Variants in BAZ2B observed in about 807,000 individuals in gnomAD.
BAZ2B encodes the protein bromodomain adjacent to zinc finger domain protein 2B.
BAZ2B carries 91 observed loss-of-function variants against 246.0 expected under a neutral mutation model. That is an observed-to-expected ratio of 0.37 (90% confidence interval 0.31 to 0.44). The LOEUF (loss-of-function observed/expected upper bound fraction) is 0.44, where lower values mean the gene tolerates loss of function less well. BAZ2B is among the 20% of genes least tolerant of loss of function. The pLI is 1.00. For synonymous variants in BAZ2B, 855 were observed against 860.0 expected (o/e 0.99, Z 0.10); for missense variants, 2,332 against 2,533.7 (o/e 0.92, Z 1.71).
intron 3 of BAZ2B, among the ~76,000 whole-genome samples, chr2:159,472,871 G>T (rs894347600): frequency 6.6e-6 from 1 of 152,152 alleles, no homozygotes; most frequent in Non-Finnish European, 1.5e-5. Context: ...TTGATGTGCT[G>T]CTGGATTCGA....
intron 34 of BAZ2B, among the ~76,000 whole-genome samples, chr2:159,329,954 G>A (rs1187443428): frequency 6.6e-6 from 1 of 152,126 alleles, no homozygotes; most frequent in Non-Finnish European, 1.5e-5. Context: ...AATTCATAGA[G>A]TATTAGAGAA....
intron 3 of BAZ2B, among the ~76,000 whole-genome samples, chr2:159,471,114 GAAGAA>G (rs2077731914): frequency 1.3e-5 from 2 of 152,122 alleles, no homozygotes; most frequent in South Asian, 4.1e-4. Flanking sequence ...AGATTTTCAA[GAAGAA>G]GAGAGTGGTC....
the BAZ2B span, among the ~76,000 whole-genome samples, chr2:159,662,758 C>T: frequency 6.6e-6 from 1 of 151,988 alleles, no homozygotes; most frequent in Non-Finnish European, 1.5e-5. Flanking sequence ...CTTTGAACTC[C>T]TGACCTCAAA....
At chr2:159,579,247 C>T (rs770110777) in intron 1 of BAZ2B, among the ~76,000 whole-genome samples, 1 of 152,070 alleles carries the variant, frequency 6.6e-6, no homozygotes, top group African/African-American at 2.4e-5. Flanking sequence ...CGGGGTATCA[C>T]CACCGATCCC....
chr2:159,378,213 T>C (rs191481312), intron 25 of BAZ2B, among the ~76,000 whole-genome samples: 1 of 152,202 alleles, frequency 6.6e-6, no homozygotes, highest in South Asian at 2.1e-4. Flanking sequence ...TTATCTTTTG[T>C]TTGGGTAATT....
the BAZ2B span, among the ~76,000 whole-genome samples, chr2:159,685,439 T>A: frequency 6.6e-6 from 1 of 152,148 alleles, no homozygotes; most frequent in East Asian, 1.9e-4. Flanking sequence ...AAAGAAAACA[T>A]GTACAAACTA....
At chr2:159,316,367 G>T (rs78659837), downstream of BAZ2B, among the ~76,000 whole-genome samples, 12,990 of 152,092 alleles carry the variant, frequency 0.085, 1,354 homozygotes, top group African/African-American at 0.25. Flanking sequence ...CATTTCCCTA[G>T]TTTTTAAAGT....
At chr2:159,381,277 C>T (rs1466233745) in intron 25 of BAZ2B, among the ~76,000 whole-genome samples, 1 of 152,158 alleles carries the variant, frequency 6.6e-6, no homozygotes, top group Non-Finnish European at 1.5e-5. Context: ...TGCTAAGCTC[C>T]TATACATGGG....
the BAZ2B span, among the ~76,000 whole-genome samples, chr2:159,646,952 T>C: frequency 2.7e-3 from 411 of 152,314 alleles, 2 homozygotes; most frequent in African/African-American, 9.2e-3. Flanking sequence ...CTCTTAAAGA[T>C]AGATGCTTTC....
chr2:159,572,527 C>T (rs1489952406), intron 1 of BAZ2B, among the ~76,000 whole-genome samples: 1 of 152,032 alleles, frequency 6.6e-6, no homozygotes, highest in Non-Finnish European at 1.5e-5. Flanking sequence ...ACACAATACT[C>T]AATACATTTA....
chr2:159,599,674 C>T (rs1462299379), intron 1 of BAZ2B, among the ~76,000 whole-genome samples: 2 of 147,706 alleles, frequency 1.4e-5, no homozygotes, highest in Admixed American at 6.8e-5. Flanking sequence ...TGGTGGCTCA[C>T]GCCTGTAATC....
At position 159,343,729 on chromosome 2, in the gene BAZ2B, C is replaced by T. The variant is rs1379600516; in HGVS notation, c.5454+3757G>A. 9.7e-5 allele frequency among the ~76,000 whole-genome samples: 14 copies of T among 143,902 alleles called. No individual in the cohort carries two copies. The East Asian group carries it at 3.4e-3, about 35-fold the overall frequency. 94.4% of individuals were successfully genotyped at this position (143,902 alleles called of 152,430 possible). A position where few individuals can be genotyped will look rare whatever the true frequency, so the allele number is the denominator to read the frequency against. Reference sequence around the variant, plus strand: ...TCACCCCAGTTAGAATGGCTATTATCAAAAAGAAAAAAAACGGCCGGGCGC... The same window carrying T: ...TCACCCCAGTTAGAATGGCTATTATTAAAAAGAAAAAAAACGGCCGGGCGC... On this transcript the variant is annotated intron_variant, in intron 31 of 36. Coordinates refer to ENST00000392783, the MANE Select transcript of BAZ2B (RefSeq NM_013450.4).
intron 3 of BAZ2B, among the ~76,000 whole-genome samples, chr2:159,474,067 T>G (rs1021876324): frequency 3.3e-5 from 5 of 152,202 alleles, no homozygotes; most frequent in African/African-American, 1.2e-4. Context: ...TCTATAGATG[T>G]GTATTAGGTC....
chr2:159,478,763 A>C, intron 2 of BAZ2B, 42 bp from the exon 3 acceptor site: 5 of 1,387,874 alleles, frequency 3.6e-6, no homozygotes, highest in Non-Finnish European at 4.7e-6. Flanking sequence ...TCAGATAAAA[A>C]ATTTTTTCAA....
the BAZ2B span, among the ~76,000 whole-genome samples, chr2:159,678,986 G>C: frequency 2.0e-5 from 3 of 152,170 alleles, no homozygotes; most frequent in Non-Finnish European, 4.4e-5. Context: ...TCAAGATGTT[G>C]AATGGGCCGG....
intron 1 of BAZ2B, among the ~76,000 whole-genome samples, chr2:159,566,478 C>T (rs992513152): frequency 6.6e-6 from 1 of 152,178 alleles, no homozygotes; most frequent in African/African-American, 2.4e-5. Flanking sequence ...GAAAACATCT[C>T]CACTGCGCTT....
intron 21 of BAZ2B, among the ~76,000 whole-genome samples, chr2:159,388,649 G>T (rs1243277425): frequency 6.6e-6 from 1 of 152,154 alleles, no homozygotes; most frequent in East Asian, 1.9e-4. Context: ...AGGATTAAAT[G>T]AGAAAATTCA....
intron 2 of BAZ2B, among the ~76,000 whole-genome samples, chr2:159,486,937 TAAAG>T: frequency 6.6e-6 from 1 of 152,084 alleles, no homozygotes. Flanking sequence ...TCATTTGTGA[TAAAG>T]AAAAATAAGA....
chr2:159,320,229 G>A lies in BAZ2B; in HGVS notation c.*36C>T. On this transcript the variant is annotated 3_prime_UTR_variant, in exon 37 of 37. Coordinates refer to ENST00000392783, the MANE Select transcript of BAZ2B (RefSeq NM_013450.4). Reference sequence around the variant, plus strand: ...CACATTGCTGGTCTCATTTGTCCTTGTTTAGAAGGAAAAAAATAAAGAGAT... The same window carrying A: ...CACATTGCTGGTCTCATTTGTCCTTATTTAGAAGGAAAAAAATAAAGAGAT... The A allele has an allele frequency of 6.7e-7, 1 of 1,483,264 alleles. No individual in the cohort carries two copies. The highest frequency in any genetic ancestry group is 8.9e-7 in the Non-Finnish European group (1 of 1,123,094). The allele number at this position is 1,483,264 out of a possible 1,614,324, so 91.9% of individuals were successfully genotyped here.
Sources: allele counts gnomAD v4.1 joint callset (sites outside exome capture counted in the v4.1 genomes callset), GRCh38; gene constraint gnomAD v4.1.1; transcripts MANE v1.5; gene names NCBI Gene and HGNC (gene_info 2026-07-23, HGNC 2026-07-21).